The following TTC39A variants were observed in gnomAD, a reference collection of about 807,000 sequenced individuals.
TTC39A encodes the protein tetratricopeptide repeat protein 39A.
TTC39A carries 46 observed loss-of-function variants against 82.3 expected under a neutral mutation model. The ratio of observed to expected loss-of-function variants is 0.56; its 90% CI spans 0.44 to 0.71. The LOEUF is 0.71. TTC39A is among the 30% of genes least tolerant of loss of function. The pLI is 0.00. For missense variants in TTC39A, 543 were observed against 712.9 expected, an observed-to-expected ratio of 0.76 and a Z score of 2.71; for synonymous variants, 254 against 275.2, an observed-to-expected ratio of 0.92 and a Z score of 0.76.
chr1:51,340,775 G>A (rs1281143021), intron 1 of TTC39A, among the ~76,000 whole-genome samples: 2 of 152,172 alleles, frequency 1.3e-5, no homozygotes, highest in African/African-American at 4.8e-5. Flanking sequence ...TGGGAGGTGA[G>A]TCCTAACATT....
At chr1:51,323,556 T>C (rs539415920) in intron 1 of TTC39A, among the ~76,000 whole-genome samples, 8 of 152,352 alleles carry the variant, frequency 5.3e-5, no homozygotes, top group Admixed American at 3.9e-4. Flanking sequence ...TTATTCCATA[T>C]TTCATGTCTC....
intron 1 of TTC39A, among the ~76,000 whole-genome samples, chr1:51,322,774 C>G (rs1645575855): frequency 6.6e-6 from 1 of 152,150 alleles, no homozygotes; most frequent in Admixed American, 6.5e-5. Context: ...AAGAATGTTC[C>G]AGAAAGAGGC....
chr1:51,344,131 A>G (rs1037931973), intron 1 of TTC39A, among the ~76,000 whole-genome samples: 4 of 152,202 alleles, frequency 2.6e-5, no homozygotes, highest in African/African-American at 9.7e-5. Flanking sequence ...GGCTTGGGCA[A>G]CTGGGTGGAT....
chr1:51,312,901 G>C lies in TTC39A; in HGVS notation c.189C>G (p.Ile63Met), dbSNP rs1244032308. The C allele has an allele frequency of 1.9e-6, 3 of 1,613,828 alleles. No homozygotes were observed. The highest frequency in any genetic ancestry group is 2.5e-6 in the Non-Finnish European group (3 of 1,179,852). Reference protein sequence around the residue: ...SMYHSLTYATILEMQAMMTFD... With the variant: ...SMYHSLTYATMLEMQAMMTFD... The stretch of plus-strand genomic sequence containing the variant: ...AGGTCATCATGGCCTGCATCTCCAG[G>C]ATGGTGGCATATGTCAGTGAGTGGT... The change falls in exon 3 of 18, where the codon ATC becomes ATG. Residue 63 changes from isoleucine to methionine, a missense_variant. Physicochemically the swap from Ile to Met is conservative, Grantham distance 10 (BLOSUM62 1). Coordinates refer to ENST00000680483, the MANE Select transcript of TTC39A (RefSeq NM_001297663.2).
rs768357343 is a variant in TTC39A at position 51,306,031 on chromosome 1, C to G, written c.534G>C (p.Glu178Asp). 1.2e-6 allele frequency: 2 copies of G among 1,614,014 alleles called. No individual in the cohort carries two copies. The highest frequency in any genetic ancestry group is 1.1e-5 in the South Asian group (1 of 91,086). ...LVQSSQYCKG[E>D]NHPHFEGGVK... ...CTCCTCCTTCAAAGTGCGGGTGGTT[C>G]TCACCCTTGCAGTATTGTGAGGACT... The change falls in exon 7 of 18, where the codon GAG (glutamate) becomes GAC (aspartate). Residue 178 changes from glutamate to aspartate, a missense_variant. Glu to Asp is a conservative substitution (Grantham distance 45). Coordinates refer to ENST00000680483, the MANE Select transcript of TTC39A (RefSeq NM_001297663.2).
At chr1:51,292,601 T>C (rs1259277915) in intron 14 of TTC39A, among the ~76,000 whole-genome samples, 1 of 152,094 alleles carries the variant, frequency 6.6e-6, no homozygotes, top group Non-Finnish European at 1.5e-5. Context: ...CCACTAAATT[T>C]TGAATTTTTT....
chr1:51,318,653 CT>C (rs1201154404), intron 2 of TTC39A, among the ~76,000 whole-genome samples: 1 of 152,174 alleles, frequency 6.6e-6, no homozygotes, highest in Non-Finnish European at 1.5e-5. Flanking sequence ...AGGGGACAAG[CT>C]GGAGCTGAAA....
chr1:51,305,956 A>G, intron 7 of TTC39A, 21 bp downstream of exon 7: 1 of 1,611,476 alleles, frequency 6.2e-7, no homozygotes, highest in South Asian at 1.1e-5. Context: ...GGTGCTGTGG[A>G]AATGGAGGAG....
At chr1:51,319,621 G>T (rs1441160163) in intron 2 of TTC39A, among the ~76,000 whole-genome samples, 2 of 151,784 alleles carry the variant, frequency 1.3e-5, no homozygotes, top group East Asian at 1.9e-4. Flanking sequence ...CTGAAGCAAG[G>T]TATTCAAAAT....
In TTC39A at chr1:51,287,535, C is replaced by T. The variant is rs1252164598; in HGVS notation, c.*622G>A. 2 of 152,252 alleles carry T rather than the reference C, an allele frequency of 1.3e-5. No individual in the cohort carries two copies. The highest frequency in any genetic ancestry group is 1.5e-5 in the Non-Finnish European group (1 of 68,088). 9.4% of individuals were successfully genotyped at this position (152,252 alleles called of 1,614,324 possible). ...CTCAGATTTTATCTCACTAAAAAGA[C>T]GTGCTTGATTTTTAAATTGGAAATT... On this transcript the variant is annotated 3_prime_UTR_variant, in exon 18 of 18. Coordinates refer to ENST00000680483, the MANE Select transcript of TTC39A (RefSeq NM_001297663.2).
At chr1:51,312,986 C>T in intron 2 of TTC39A, 43 bp from the exon 3 acceptor site, 1 of 1,592,122 alleles carries the variant, frequency 6.3e-7, no homozygotes. Context: ...CTTATAGAGC[C>T]CCAGAGGCAG....
intron 13 of TTC39A, chr1:51,295,486 C>G (rs1644379966): frequency 6.4e-6 from 1 of 156,128 alleles, no homozygotes; most frequent in African/African-American, 2.4e-5. Flanking sequence ...CACGGTGGTA[C>G]AGGTAAGAAT....
chr1:51,303,521 G>C (rs1357030334), intron 8 of TTC39A, among the ~76,000 whole-genome samples: 4 of 152,200 alleles, frequency 2.6e-5, no homozygotes, highest in South Asian at 2.1e-4. Flanking sequence ...GTCTGGTTGG[G>C]AGCAGGAGAG....
At chr1:51,341,966 G>A (rs1365784408) in intron 1 of TTC39A, among the ~76,000 whole-genome samples, 1 of 152,186 alleles carries the variant, frequency 6.6e-6, no homozygotes, top group East Asian at 1.9e-4. Flanking sequence ...AGCAGTCCTA[G>A]CAGGCCTCCA....
chr1:51,333,641 C>G (rs542245643), upstream of TTC39A, among the ~76,000 whole-genome samples: 1 of 152,218 alleles, frequency 6.6e-6, no homozygotes, highest in African/African-American at 2.4e-5. Flanking sequence ...TCAGGGGCTC[C>G]CTTTGCACCC....
chr1:51,344,939 G>T, intron 1 of TTC39A: 1 of 1,519,944 alleles, frequency 6.6e-7, no homozygotes, highest in African/African-American at 1.4e-5. Flanking sequence ...TCCTCCGGCG[G>T]CCCCTTGGTC....
chr1:51,325,266 A>G (rs1250070086), intron 1 of TTC39A, among the ~76,000 whole-genome samples: 5 of 152,030 alleles, frequency 3.3e-5, no homozygotes. Flanking sequence ...AAAAAAAAAA[A>G]AAAACCACAA....
chr1:51,336,831 A>G (rs1645980369), intron 1 of TTC39A, among the ~76,000 whole-genome samples: 2 of 152,194 alleles, frequency 1.3e-5, no homozygotes, highest in South Asian at 4.1e-4. Context: ...TAAATGAGCT[A>G]CATATCTTCA....
intron 1 of TTC39A, among the ~76,000 whole-genome samples, chr1:51,325,598 G>A (rs1645684912): frequency 6.6e-6 from 1 of 152,192 alleles, no homozygotes; most frequent in African/African-American, 2.4e-5. Flanking sequence ...GGGAAACTGA[G>A]GCACAGAGGA....
Sources: gnomAD v4.1 joint callset for allele counts (sites outside exome capture counted in the v4.1 genomes callset) on GRCh38, gnomAD v4.1.1 for gene constraint, MANE v1.5 for transcripts, NCBI Gene and HGNC (gene_info 2026-07-23, HGNC 2026-07-21) for gene names.